Variants in GABRB1 observed in about 807,000 individuals in gnomAD.
GABRB1 encodes gamma-aminobutyric acid type A receptor subunit beta1.
Under a neutral mutation model 51.6 loss-of-function variants are expected in GABRB1, and 17 were observed. That is an observed-to-expected ratio of 0.33 (90% CI 0.23 to 0.49). GABRB1 has a LOEUF of 0.49. Among genes scored for constraint, GABRB1 ranks in the 20% least tolerant of loss-of-function variants. The pLI is 0.99. For missense variants in GABRB1, 410 were observed against 600.6 expected (o/e 0.68, Z 3.32); for synonymous variants, 247 against 218.9 (o/e 1.13, Z -1.14).
At chr4:47,381,144 G>T (rs995756762) in intron 5 of GABRB1, among the ~76,000 whole-genome samples, 1 of 152,122 alleles carries the variant, frequency 6.6e-6, no homozygotes, top group African/African-American at 2.4e-5. Context: ...TCTATTGTAA[G>T]CTCTGGAGGT....
intron 3 of GABRB1, among the ~76,000 whole-genome samples, chr4:47,117,002 C>T (rs888199454): frequency 6.6e-6 from 1 of 152,058 alleles, no homozygotes; most frequent in African/African-American, 2.4e-5. Flanking sequence ...GCGGGGAAGT[C>T]CACCCCCATG....
chr4:47,180,551 C>T (rs576046617), intron 4 of GABRB1, among the ~76,000 whole-genome samples: 1 of 152,116 alleles, frequency 6.6e-6, no homozygotes, highest in African/African-American at 2.4e-5. Flanking sequence ...TATTTGGATG[C>T]TTTTTAAATT....
intron 3 of GABRB1, among the ~76,000 whole-genome samples, chr4:47,106,674 T>C (rs538138012): frequency 6.6e-6 from 1 of 152,138 alleles, no homozygotes; most frequent in African/African-American, 2.4e-5. Flanking sequence ...TTTCCCTCTC[T>C]CCCCTCATCC....
At chr4:47,199,306 AC>A (rs1719805581) in intron 4 of GABRB1, among the ~76,000 whole-genome samples, 1 of 152,154 alleles carries the variant, frequency 6.6e-6, no homozygotes. Flanking sequence ...TGGCTGGACA[AC>A]CTTTTGCTAG....
At chr4:47,368,490 T>C (rs559511427) in intron 5 of GABRB1, among the ~76,000 whole-genome samples, 57 of 152,212 alleles carry the variant, frequency 3.7e-4, no homozygotes, top group African/African-American at 1.3e-3. Context: ...CTCAACATCA[T>C]ACCATGCACA....
chr4:47,296,748 A>T (rs1348014310), intron 4 of GABRB1, among the ~76,000 whole-genome samples: 1 of 152,342 alleles, frequency 6.6e-6, no homozygotes, highest in East Asian at 1.9e-4. Context: ...TCAGCTCTGC[A>T]CTAAGTGGAC....
At chr4:47,292,429 T>A (rs2109923995) in intron 4 of GABRB1, among the ~76,000 whole-genome samples, 1 of 152,356 alleles carries the variant, frequency 6.6e-6, no homozygotes, top group Admixed American at 6.5e-5. Context: ...CTAAAAATAA[T>A]AACAAATTAT....
In GABRB1 at chr4:47,406,945, C is replaced by A. The variant is rs765037938; in HGVS notation, c.1080+19C>A. ...AGTCCAGGTAAGATATTAAATATTC[C>A]TAACAATATTCTTGTTAAATTTATC... On this transcript the variant is annotated intron_variant, in intron 8 of 8. Transcript: ENST00000295454. 3 of 1,606,752 alleles carry A rather than the reference C, an allele frequency of 1.9e-6. No individual in the cohort carries two copies. Among genetic ancestry groups the A allele is most frequent in the South Asian group, 2.2e-5 (2 of 90,644 alleles).
At chr4:47,018,464 G>A (rs955875027) in intron 1 of GABRB1, among the ~76,000 whole-genome samples, 3 of 152,232 alleles carry the variant, frequency 2.0e-5, no homozygotes, top group Admixed American at 1.3e-4. Context: ...GATAATGTCA[G>A]AAATCTACAA....
chr4:47,355,286 A>G (rs971346188), intron 5 of GABRB1, among the ~76,000 whole-genome samples: 6 of 151,988 alleles, frequency 3.9e-5, no homozygotes, highest in East Asian at 1.9e-4. Context: ...TGGCCTAGTC[A>G]TATCATCTTG....
At chr4:47,176,878 G>T (rs957386722) in intron 4 of GABRB1, among the ~76,000 whole-genome samples, 2 of 152,102 alleles carry the variant, frequency 1.3e-5, no homozygotes, top group Non-Finnish European at 2.9e-5. Flanking sequence ...TCATCACAAT[G>T]ATTTCTTAAG....
intron 4 of GABRB1, among the ~76,000 whole-genome samples, chr4:47,272,097 A>G (rs894616519): frequency 6.6e-6 from 1 of 152,186 alleles, no homozygotes. Context: ...TTGGAAAGTT[A>G]GTTCTATAGG....
At chr4:47,246,259 G>T (rs1191601844) in intron 4 of GABRB1, among the ~76,000 whole-genome samples, 1 of 123,374 alleles carries the variant, frequency 8.1e-6, no homozygotes, top group Non-Finnish European at 1.7e-5. Flanking sequence ...TCCTTCTCAG[G>T]GCTGAGTAGT....
At chr4:47,293,078 A>G (rs1186007254) in intron 4 of GABRB1, among the ~76,000 whole-genome samples, 1 of 152,206 alleles carries the variant, frequency 6.6e-6, no homozygotes, top group Non-Finnish European at 1.5e-5. Flanking sequence ...ATAACATTTT[A>G]CCTATACAAA....
intron 5 of GABRB1, among the ~76,000 whole-genome samples, chr4:47,376,421 CG>C (rs1727379140): frequency 6.6e-6 from 1 of 152,022 alleles, no homozygotes; most frequent in African/African-American, 2.4e-5. Context: ...TCGAGACGGG[CG>C]GATCACGAGA....
At chr4:47,209,951 T>C (rs138629987) in intron 4 of GABRB1, among the ~76,000 whole-genome samples, 67 of 152,258 alleles carry the variant, frequency 4.4e-4, no homozygotes, top group African/African-American at 1.5e-3. Context: ...CCAAAAGTTT[T>C]AGCCTTATTA....
chr4:47,047,467 A>G (rs144176058), intron 3 of GABRB1, among the ~76,000 whole-genome samples: 1 of 152,296 alleles, frequency 6.6e-6, no homozygotes, highest in African/African-American at 2.4e-5. Context: ...CCAAAGTTAT[A>G]TAACAAGTAA....
At position 47,101,989 on chromosome 4, in the gene GABRB1, T is replaced by C. The variant is rs1440162991; in HGVS notation, c.241-59260T>C. Among the ~76,000 whole-genome samples, 4 of 152,022 alleles carry C rather than the reference T, an allele frequency of 2.6e-5. No homozygotes were observed. The South Asian group carries it at 6.2e-4, about 24-fold the overall frequency. The stretch of plus-strand genomic sequence containing the variant: ...GAAAGGAAGAGGGAGACCACTGTTC[T>C]TTGTCAGAGCTCAAATAAACTCCAC... On this transcript the variant is annotated intron_variant, in intron 3 of 8. Coordinates refer to ENST00000295454, the MANE Select transcript of GABRB1 (RefSeq NM_000812.4).
chr4:47,089,672 A>G (rs1297451147), intron 3 of GABRB1, among the ~76,000 whole-genome samples: 1 of 152,218 alleles, frequency 6.6e-6, no homozygotes, highest in East Asian at 1.9e-4. Context: ...CAAATATTAT[A>G]ATCGAATAGT....
Sources: gnomAD v4.1 joint callset for allele counts (sites outside exome capture counted in the v4.1 genomes callset) on GRCh38, gnomAD v4.1.1 for gene constraint, MANE v1.5 for transcripts, NCBI Gene and HGNC (gene_info 2026-07-23, HGNC 2026-07-21) for gene names.